CNGB1: variants seen among roughly 807,000 people sequenced by gnomAD.
CNGB1 encodes cyclic nucleotide-gated channel beta-1.
A neutral mutation model predicts 151.7 loss-of-function variants in CNGB1; 126 were observed. The observed-to-expected ratio is 0.83, with a 90% CI of 0.72 to 0.96. The LOEUF (loss-of-function observed/expected upper bound fraction) is 0.96, where lower values mean the gene tolerates loss of function less well. CNGB1 is among the 40% of genes least tolerant of loss of function. CNGB1 has a pLI of 0.00. For synonymous variants in CNGB1, 623 were observed against 635.1 expected, an observed-to-expected ratio of 0.98 and a Z score of 0.29; for missense variants, 1,698 against 1,627.0, an observed-to-expected ratio of 1.04 and a Z score of -0.75.
Position 57,940,366 on chromosome 16 carries a change from G to C in CNGB1, c.1122-45C>G, listed in dbSNP as rs1312704958. 4 of 1,538,878 alleles carry C rather than the reference G, an allele frequency of 2.6e-6. No individual in the cohort carries two copies. In the South Asian group the frequency reaches 3.6e-5, roughly 14 times the overall value. ...GGGGAGGATAAAAGGACTGGGTTAG[G>C]GTGTTAAAGGTTTCCCCAGCCCTGC... On this transcript the variant is annotated intron_variant, in intron 14 of 32. Coordinates refer to ENST00000251102, the MANE Select transcript of CNGB1 (RefSeq NM_001297.5).
chr16:57,922,363 G>C (rs141162958), intron 18 of CNGB1, among the ~76,000 whole-genome samples: 1 of 151,982 alleles, frequency 6.6e-6, no homozygotes, highest in African/African-American at 2.4e-5. Flanking sequence ...CCTGGGGACA[G>C]TTCGATCTCA....
chr16:57,888,030 A>C lies in CNGB1; in HGVS notation c.3287T>G (p.Val1096Gly), dbSNP rs1338982812. 1 of 1,613,944 alleles carries C rather than the reference A, an allele frequency of 6.2e-7. No homozygotes were observed. Among genetic ancestry groups the C allele is most frequent in the Non-Finnish European group, 8.5e-7 (1 of 1,180,006 alleles). ...GCCCGCCCGGGGTGGAAGGATCAGCACGCTCTTCTCCTCCTTGGGCTTATT... is the reference window on the plus strand; with the variant it reads ...GCCCGCCCGGGGTGGAAGGATCAGCCCGCTCTTCTCCTCCTTGGGCTTATT... Reference protein sequence around the residue: ...SNNKPKEEKSVLILPPRAGTP... With the variant: ...SNNKPKEEKSGLILPPRAGTP... The change falls in exon 32 of 33, where the codon GTG (valine) becomes GGG (glycine). Residue 1096 changes from valine (V) to glycine (G), a missense_variant. Coordinates refer to ENST00000251102, the MANE Select transcript of CNGB1 (RefSeq NM_001297.5).
intron 32 of CNGB1, among the ~76,000 whole-genome samples, chr16:57,885,697 G>A (rs1234963397): frequency 1.3e-5 from 2 of 151,880 alleles, no homozygotes; most frequent in African/African-American, 4.8e-5. Flanking sequence ...AGGTTCAAGC[G>A]ATTCTTCTGC....
chr16:57,915,347 G>T lies in CNGB1; in HGVS notation c.2218-12C>A, dbSNP rs483053. 1 of 1,607,054 alleles carries T rather than the reference G, an allele frequency of 6.2e-7. No homozygotes were observed. Among genetic ancestry groups the T allele is most frequent in the Non-Finnish European group, 8.5e-7 (1 of 1,173,998 alleles). ...CTGAGCAGGTCCATCTGAAATCCCA[G>T]TGGGACACCATGGGGGTAAAACGGA... On this transcript the variant is annotated splice_polypyrimidine_tract_variant and intron_variant, in intron 22 of 32. Transcript: ENST00000251102.
intron 31 of CNGB1, among the ~76,000 whole-genome samples, chr16:57,894,266 C>A (rs1313501154): frequency 6.6e-6 from 1 of 152,184 alleles, no homozygotes; most frequent in Non-Finnish European, 1.5e-5. Context: ...GTACAAGAAT[C>A]TACAGCATGC....
chr16:57,959,830 G>A (rs1414144595), intron 10 of CNGB1, 58 bp downstream of exon 10: 30 of 1,429,180 alleles, frequency 2.1e-5, no homozygotes, highest in African/African-American at 4.3e-5. Context: ...GGTGTTAGGC[G>A]GGGACAAGGT....
At chr16:57,958,645 C>G (rs1040269999) in intron 10 of CNGB1, among the ~76,000 whole-genome samples, 160 bp from the exon 11 acceptor site, 5 of 152,202 alleles carry the variant, frequency 3.3e-5, no homozygotes, top group South Asian at 2.1e-4. Flanking sequence ...CATTCTCCCC[C>G]CTCTCCACCC....
rs182946650 is a variant in CNGB1, at chr16:57,915,566, G to C, written c.2218-231C>G. ...CATTATCCTCGATAGTGGCTGCTGT[G>C]CCATACAGTAAGGGGCGGGAGTGGT... On this transcript the variant is annotated intron_variant, in intron 22 of 32. Coordinates refer to ENST00000251102, the MANE Select transcript of CNGB1 (RefSeq NM_001297.5). Among the ~76,000 whole-genome samples the C allele has an allele frequency of 2.5e-4, 38 of 152,320 alleles. 1 individual carries two copies. Among genetic ancestry groups the C allele is most frequent in the Admixed American group, 2.5e-3 (38 of 15,298 alleles).
intron 8 of CNGB1, 131 bp downstream of exon 8, chr16:57,960,709 C>T (rs1962228715): frequency 7.9e-7 from 1 of 1,273,700 alleles, no homozygotes; most frequent in Non-Finnish European, 1.1e-6. Context: ...GAGGACTCTC[C>T]AAAGTGGGGC....
chr16:57,964,046 C>A, intron 4 of CNGB1, 84 bp downstream of exon 4: 1 of 1,328,914 alleles, frequency 7.5e-7, no homozygotes, highest in South Asian at 1.2e-5. Context: ...GTGCCCATCC[C>A]CACCCCCATC....
Position 57,923,225 on chromosome 16 carries a change from A to G in CNGB1, c.1643+48T>C, listed in dbSNP as rs776914661. 4 of 1,048,326 alleles carry G rather than the reference A, an allele frequency of 3.8e-6. No individual in the cohort carries two copies. The Admixed American group carries it at 7.8e-5, about 20-fold the overall frequency. The allele number at this position is 1,048,326 out of a possible 1,614,324, so 64.9% of individuals were successfully genotyped here. A position where few individuals can be genotyped will look rare whatever the true frequency, so the allele number is the denominator to read the frequency against. On this transcript the variant is annotated intron_variant, in intron 18 of 32. Coordinates refer to ENST00000251102, the MANE Select transcript of CNGB1 (RefSeq NM_001297.5). ...CCACACTAGCCCCCCCACATCCCCC[A>G]CCCTCCCCGCAGTCTTTCAATTTTC...
chr16:57,969,425 T>C (rs1962485667), intron 1 of CNGB1, among the ~76,000 whole-genome samples: 1 of 152,184 alleles, frequency 6.6e-6, no homozygotes, highest in Non-Finnish European at 1.5e-5. Context: ...GAGACCAGCC[T>C]GGGCAACATG....
intron 32 of CNGB1, among the ~76,000 whole-genome samples, chr16:57,887,165 T>C (rs1330104060): frequency 2.0e-5 from 3 of 152,172 alleles, no homozygotes; most frequent in East Asian, 1.9e-4. Context: ...GGATTACAAG[T>C]GTGAGCTACC....
At chr16:57,916,383 C>T (rs1960869542) in intron 21 of CNGB1, among the ~76,000 whole-genome samples, 1 of 152,190 alleles carries the variant, frequency 6.6e-6, no homozygotes, top group Admixed American at 6.5e-5. Flanking sequence ...GGTCACCCAG[C>T]TAGATCCTGA....
chr16:57,957,900 T>C (rs1962131937), intron 11 of CNGB1, among the ~76,000 whole-genome samples: 1 of 152,154 alleles, frequency 6.6e-6, no homozygotes, highest in South Asian at 2.1e-4. Context: ...CAGGTGCTTC[T>C]ATAAAGACGT....
In CNGB1 at chr16:57,959,913, G is replaced by C; in HGVS notation, c.736C>G (p.Leu246Val). The C allele has an allele frequency of 6.4e-7, 1 of 1,560,904 alleles. No individual in the cohort carries two copies. Among genetic ancestry groups the C allele is most frequent in the Non-Finnish European group, 8.7e-7 (1 of 1,152,310 alleles). The stretch of plus-strand genomic sequence containing the variant: ...CTGGCAGGGTCCCTGGTTGGTGGCA[G>C]GGAGGAGGTCTGGGCCTGGGAGCCG... ...QPGSQAQTSSLPPTRDPARLV... is the reference protein window; with the variant it reads ...QPGSQAQTSSVPPTRDPARLV... The change falls in exon 10 of 33, where the codon CTG becomes GTG. Residue 246 changes from leucine to valine, a missense_variant. By Grantham distance (32) the Leu-to-Val change is conservative. Transcript: ENST00000251102.
Position 57,923,408 on chromosome 16 carries a change from C to A in CNGB1, c.1536-28G>T, listed in dbSNP as rs1476627384. The A allele has an allele frequency of 2.5e-6, 4 of 1,585,958 alleles. No individual in the cohort carries two copies. The South Asian group carries it at 4.4e-5, about 18-fold the overall frequency. ...GCAAAGACACAGATGTGGAAGGGGC[C>A]TTCAGCAAAGGCAGAGGCCCCAGGG... is the stretch of plus-strand genomic sequence containing the variant. On this transcript the variant is annotated intron_variant, in intron 17 of 32. Transcript: ENST00000251102.
chr16:57,945,740 G>T (rs1391815428), intron 14 of CNGB1, among the ~76,000 whole-genome samples: 1 of 152,196 alleles, frequency 6.6e-6, no homozygotes, highest in African/African-American at 2.4e-5. Context: ...TCTCATCTGT[G>T]AAATGGGATG....
Position 57,949,420 on chromosome 16 carries a change from C to T in CNGB1, c.1054G>A (p.Glu352Lys). 6.2e-7 allele frequency: 1 copy of T among 1,613,772 alleles called. No individual in the cohort carries two copies. Among genetic ancestry groups the T allele is most frequent in the Admixed American group, 1.7e-5 (1 of 60,022 alleles). The change falls in exon 14 of 33, where the codon GAG becomes AAG. Residue 352 changes from glutamate (E) to lysine (K), a missense_variant. Coordinates refer to ENST00000251102, the MANE Select transcript of CNGB1 (RefSeq NM_001297.5). ...TCCTCCTCCTCATCTTCTTTCTCCT[C>T]TTCAATCCGGGACAGCTCTCTGAGT... ...KMPRELSRIE[E>K]EKEDEEEEEE... is the part of the protein sequence containing the mutation.
Sources: allele counts gnomAD v4.1 joint callset (sites outside exome capture counted in the v4.1 genomes callset), GRCh38; gene constraint gnomAD v4.1.1; transcripts MANE v1.5; gene names NCBI Gene and HGNC (gene_info 2026-07-23, HGNC 2026-07-21).